Variants in EDARADD observed in about 807,000 individuals in gnomAD.
EDARADD encodes the protein ectodysplasin-A receptor-associated adapter protein.
Under a neutral mutation model 25.6 loss-of-function variants are expected in EDARADD, and 20 were observed. The observed-to-expected ratio is 0.78, with a 90% confidence interval of 0.55 to 1.14. EDARADD has a LOEUF of 1.14. Ranked by LOEUF, EDARADD falls within the 50% of genes most tolerant of loss-of-function variation. The pLI, the probability that EDARADD is intolerant of heterozygous loss-of-function variation, is 0.00. For missense variants in EDARADD, 225 were observed against 270.1 expected (o/e 0.83, Z 1.17); for synonymous variants, 86 against 94.4 (o/e 0.91, Z 0.52).
chr1:236,481,887 G>C (rs1659685318), intron 5 of EDARADD, among the ~76,000 whole-genome samples: 2 of 151,890 alleles, frequency 1.3e-5, no homozygotes, highest in South Asian at 4.2e-4. Flanking sequence ...GCCGAGGCGG[G>C]TGGATCACAA....
intron 4 of EDARADD, among the ~76,000 whole-genome samples, chr1:236,458,313 G>T (rs549831640): frequency 7.6e-4 from 116 of 152,002 alleles, no homozygotes; most frequent in Admixed American, 1.8e-3. Context: ...AGTGCTGTGG[G>T]GTATCATTAA....
intron 5 of EDARADD, among the ~76,000 whole-genome samples, chr1:236,469,192 G>A (rs1261329389): frequency 6.6e-6 from 1 of 152,060 alleles, no homozygotes; most frequent in Non-Finnish European, 1.5e-5. Flanking sequence ...GCTAGCAAAT[G>A]GCCAGGTGTG....
Position 236,414,260 on chromosome 1 carries a change from T to C in EDARADD, c.121T>C (p.Ser41Pro). 6.2e-7 allele frequency: 1 copy of C among 1,610,156 alleles called. No individual in the cohort carries two copies. The highest frequency in any genetic ancestry group is 2.2e-5 in the East Asian group (1 of 44,798). The change falls in exon 3 of 6, where the codon TCA becomes CCA. Residue 41 changes from serine (S) to proline (P), a missense_variant and splice_region_variant. Physicochemically the swap from Ser to Pro is moderately conservative, Grantham distance 74. Transcript: ENST00000334232. ...TCTCCTCTTTTGTTGGTTTCTACAG[T>C]CAGACAAATATCCCATTCAAGATAC... ...TDPSTLSFNM[S>P]DKYPIQDTEL...
intron 1 of EDARADD, among the ~76,000 whole-genome samples, chr1:236,403,513 T>A (rs988883777): frequency 2.0e-5 from 3 of 150,778 alleles, no homozygotes; most frequent in Non-Finnish European, 4.4e-5. Flanking sequence ...GGTCTCGATC[T>A]CCTGACCTCG....
intron 1 of EDARADD, among the ~76,000 whole-genome samples, chr1:236,400,862 C>A (rs1667601573): frequency 6.6e-6 from 1 of 151,834 alleles, no homozygotes; most frequent in Non-Finnish European, 1.5e-5. Flanking sequence ...ACCCCACCTC[C>A]AAGCCTTTTT....
At chr1:236,449,736 A>C (rs994455241) in intron 4 of EDARADD, among the ~76,000 whole-genome samples, 5 of 152,224 alleles carry the variant, frequency 3.3e-5, no homozygotes, top group African/African-American at 1.2e-4. Flanking sequence ...TTATTTGTTT[A>C]AAACTGTTAA....
chr1:236,439,575 T>C (rs1331491243), intron 4 of EDARADD, among the ~76,000 whole-genome samples: 1 of 152,230 alleles, frequency 6.6e-6, no homozygotes, highest in Non-Finnish European at 1.5e-5. Flanking sequence ...CTTATTGTTG[T>C]TTTAATTTGT....
chr1:236,476,441 T>C (rs1659507739), intron 5 of EDARADD, among the ~76,000 whole-genome samples: 1 of 152,110 alleles, frequency 6.6e-6, no homozygotes, highest in Non-Finnish European at 1.5e-5. Context: ...ATCCCAGCAC[T>C]TCGGGAGGCC....
At chr1:236,412,823 G>A (rs368698756) in intron 2 of EDARADD, among the ~76,000 whole-genome samples, 77 of 152,246 alleles carry the variant, frequency 5.1e-4, no homozygotes, top group African/African-American at 1.7e-3. Flanking sequence ...TCCATCTCTG[G>A]GAAAACTCAG....
chr1:236,458,710 C>G (rs1160766459), intron 4 of EDARADD, among the ~76,000 whole-genome samples: 2 of 142,802 alleles, frequency 1.4e-5, no homozygotes, highest in Non-Finnish European at 3.0e-5. Context: ...ATGGCCCAGT[C>G]CCAGCTCACT....
Position 236,398,136 on chromosome 1 carries a change from A to G in EDARADD, c.61+3631A>G, listed in dbSNP as rs376553928. 2.6e-5 allele frequency among the ~76,000 whole-genome samples: 4 copies of G among 151,862 alleles called. No individual in the cohort carries two copies. Among genetic ancestry groups the G allele is most frequent in the East Asian group, 3.9e-4 (2 of 5,156 alleles). On this transcript the variant is annotated intron_variant, in intron 1 of 5. Transcript: ENST00000334232. The surrounding 1 kb of genome is among the most constrained non-coding windows in gnomAD (Gnocchi z 4.1). ...CTTTTATTTTATTTTTATTATTATT[A>G]TTTTTCAAGATGGAGTCTCACTCTG...
At chr1:236,431,875 T>G (rs1311913818) in intron 4 of EDARADD, among the ~76,000 whole-genome samples, 1 of 114,380 alleles carries the variant, frequency 8.7e-6, no homozygotes, top group African/African-American at 3.0e-5. Context: ...GAGCCGAGAT[T>G]GCGCCACTGC....
intron 4 of EDARADD, among the ~76,000 whole-genome samples, chr1:236,433,920 T>A (rs537518410): frequency 6.6e-6 from 1 of 151,194 alleles, no homozygotes; most frequent in Admixed American, 6.6e-5. Flanking sequence ...ACCCTGCAAA[T>A]AATTTGATAT....
rs634626 is a variant in EDARADD, at chr1:236,427,703, T to A, written c.219+253T>A. On this transcript the variant is annotated intron_variant, in intron 4 of 5. Transcript: ENST00000334232. Reference sequence around the variant, plus strand: ...CATGCCAACAACAGAAAATCAATGCTGGTGAGTTAGAAAGGAGAGTTGTTT... The same window carrying A: ...CATGCCAACAACAGAAAATCAATGCAGGTGAGTTAGAAAGGAGAGTTGTTT... Among the ~76,000 whole-genome samples the A allele has an allele frequency of 0.45, 68,262 of 151,920 alleles. 17,640 individuals are homozygous for A. Among genetic ancestry groups the A allele is most frequent in the Non-Finnish European group, 0.59 (39,916 of 67,930 alleles).
chr1:236,355,500 CTTTTTTTTT>C (rs563976436), intron 3 of EDARADD, among the ~76,000 whole-genome samples: 7 of 73,170 alleles, frequency 9.6e-5, no homozygotes, highest in Non-Finnish European at 1.4e-4. Flanking sequence ...GCTTCTTCTT[CTTTTTTTTT>C]TTTTTTTTTT....
chr1:236,438,455 G>A (rs1658317735), intron 4 of EDARADD, among the ~76,000 whole-genome samples: 3 of 152,144 alleles, frequency 2.0e-5, no homozygotes, highest in South Asian at 2.1e-4. Flanking sequence ...AGAGAACCCC[G>A]GTGGTGACCA....
chr1:236,431,927 C>CAAAAATAAAAAAAAAA (rs1658105811), intron 4 of EDARADD, among the ~76,000 whole-genome samples: 1 of 17,996 alleles, frequency 5.6e-5, no homozygotes, highest in African/African-American at 9.2e-5. Flanking sequence ...GACTCCGTCT[C>CAAAAATAAAAAAAAAA]AAAAAAAAAA....
intron 3 of EDARADD, among the ~76,000 whole-genome samples, chr1:236,367,084 CAAAAA>C (rs753983803): frequency 3.2e-5 from 2 of 61,956 alleles, no homozygotes; most frequent in Admixed American, 2.1e-4. Context: ...ACTCCATCGC[CAAAAA>C]AAAAAAAAAA....
intron 2 of EDARADD, chr1:236,349,008 A>G (rs1039026869): frequency 1.3e-5 from 2 of 151,954 alleles, no homozygotes; most frequent in Non-Finnish European, 2.9e-5. Flanking sequence ...AGGCCCAGAA[A>G]TGTCTCCTGT....
Sources: gnomAD v4.1 joint callset for allele counts (sites outside exome capture counted in the v4.1 genomes callset) on GRCh38, gnomAD v4.1.1 for gene constraint, Gnocchi (gnomAD v3.1) non-coding constraint, MANE v1.5 for transcripts, NCBI Gene and HGNC (gene_info 2026-07-23, HGNC 2026-07-21) for gene names.